FGF14: variants seen among roughly 807,000 people sequenced by gnomAD.
FGF14 encodes fibroblast growth factor homologous factor 4.
In FGF14, 5 loss-of-function variants were observed where a neutral mutation model predicts 25.5. The ratio of observed to expected loss-of-function variants is 0.20; its 90% confidence interval spans 0.10 to 0.41. FGF14 has a LOEUF of 0.41. Among genes scored for constraint, FGF14 ranks in the 10% least tolerant of loss-of-function variants. The pLI is 1.00. For missense variants in FGF14, 222 were observed against 320.1 expected, an observed-to-expected ratio of 0.69 and a Z score of 2.34; for synonymous variants, 138 against 118.3, an observed-to-expected ratio of 1.17 and a Z score of -1.08.
intron 1 of FGF14, among the ~76,000 whole-genome samples, chr13:102,193,692 A>G (rs903838360): frequency 2.6e-5 from 4 of 152,214 alleles, no homozygotes; most frequent in African/African-American, 7.2e-5. Context: ...GTTACTACAC[A>G]TGAGAAACTA....
intron 3 of FGF14, among the ~76,000 whole-genome samples, chr13:101,743,252 C>A (rs2036666829): frequency 6.6e-6 from 1 of 152,158 alleles, no homozygotes; most frequent in Non-Finnish European, 1.5e-5. Flanking sequence ...GTCTCAGATA[C>A]CTTTTGGTTT....
At chr13:102,323,945 C>A (rs1414918769) in intron 1 of FGF14, among the ~76,000 whole-genome samples, 1 of 144,942 alleles carries the variant, frequency 6.9e-6, no homozygotes, top group African/African-American at 2.6e-5. Flanking sequence ...TTAAAGGATC[C>A]CAACGTGCAG....
upstream of FGF14, among the ~76,000 whole-genome samples, chr13:101,918,920 G>C (rs1174765209): frequency 2.0e-5 from 3 of 151,206 alleles, no homozygotes. Flanking sequence ...TGCTAGAGTT[G>C]TTTTGCTAGA....
At chr13:102,396,807 C>T (rs557443501) in intron 1 of FGF14, among the ~76,000 whole-genome samples, 5 of 152,174 alleles carry the variant, frequency 3.3e-5, no homozygotes, top group Non-Finnish European at 5.9e-5. Flanking sequence ...GAAAAATCTA[C>T]TCTCCCAACA....
chr13:102,154,184 C>T (rs974693364), intron 1 of FGF14, among the ~76,000 whole-genome samples: 61 of 152,072 alleles, frequency 4.0e-4, no homozygotes, highest in Admixed American at 9.8e-4. Context: ...AGATACTCCC[C>T]GAGAAGAGCA....
chr13:101,879,624 A>G (rs568969441), intron 1 of FGF14, among the ~76,000 whole-genome samples: 2 of 152,192 alleles, frequency 1.3e-5, no homozygotes, highest in African/African-American at 2.4e-5. Flanking sequence ...ACACTATGAC[A>G]TATGTTTTTC....
chr13:101,994,709 A>G (rs1198314234), intron 1 of FGF14, among the ~76,000 whole-genome samples: 1 of 152,108 alleles, frequency 6.6e-6, no homozygotes, highest in African/African-American at 2.4e-5. Context: ...AGTAGCATGC[A>G]AAATTAAATA....
At chr13:102,117,972 T>C (rs892475714) in intron 1 of FGF14, among the ~76,000 whole-genome samples, 2 of 152,190 alleles carry the variant, frequency 1.3e-5, no homozygotes, top group African/African-American at 4.8e-5. Context: ...TTTTGAGCCA[T>C]GTAGATATTT....
chr13:102,032,898 T>C (rs1345081893), intron 1 of FGF14, among the ~76,000 whole-genome samples: 1 of 152,082 alleles, frequency 6.6e-6, no homozygotes, highest in Non-Finnish European at 1.5e-5. Context: ...CCCAGAGCTT[T>C]CTTCATGAAG....
intron 1 of FGF14, among the ~76,000 whole-genome samples, chr13:101,909,230 A>G (rs2032619421): frequency 6.6e-6 from 1 of 152,222 alleles, no homozygotes; most frequent in South Asian, 2.1e-4. Context: ...CAAAAGCCAA[A>G]ATTGACAAAT....
chr13:102,011,513 T>C (rs1402721039), intron 1 of FGF14, among the ~76,000 whole-genome samples: 1 of 151,666 alleles, frequency 6.6e-6, no homozygotes, highest in African/African-American at 2.4e-5. Context: ...TATCCATAGC[T>C]GAGAGCATAG....
chr13:102,359,357 A>C (rs1446791297), intron 1 of FGF14, among the ~76,000 whole-genome samples: 3 of 152,218 alleles, frequency 2.0e-5, no homozygotes. Flanking sequence ...TGTGCTTCAC[A>C]TACAACAGAC....
intron 1 of FGF14, among the ~76,000 whole-genome samples, chr13:102,260,500 C>T (rs1413506967): frequency 1.3e-5 from 2 of 152,200 alleles, no homozygotes; most frequent in Non-Finnish European, 2.9e-5. Flanking sequence ...TGGGGAGTAT[C>T]GGAAATGGCT....
intron 1 of FGF14, among the ~76,000 whole-genome samples, chr13:102,382,789 T>C (rs746574970): frequency 1.1e-4 from 16 of 152,058 alleles, no homozygotes; most frequent in Admixed American, 2.0e-4. Flanking sequence ...TATACAATAA[T>C]GAAACAAAAT....
intron 1 of FGF14, among the ~76,000 whole-genome samples, chr13:102,165,386 T>G (rs1414988094): frequency 2.0e-5 from 3 of 152,000 alleles, no homozygotes; most frequent in African/African-American, 7.3e-5. Context: ...TGCAGCACTA[T>G]TCACAATAGC....
chr13:102,002,137 C>T (rs1481696967), intron 1 of FGF14: 1 of 152,174 alleles, frequency 6.6e-6, no homozygotes, highest in Non-Finnish European at 1.5e-5. Flanking sequence ...CCCTTGATCC[C>T]ACTGCCAATG....
At chr13:101,857,089 G>A (rs1050155990) in intron 3 of FGF14, among the ~76,000 whole-genome samples, 5 of 151,994 alleles carry the variant, frequency 3.3e-5, no homozygotes, top group Admixed American at 3.3e-4. Context: ...ATCAACAGAT[G>A]CTTTTCTCAT....
At chr13:102,186,811 AAC>A (rs760478591) in intron 1 of FGF14, among the ~76,000 whole-genome samples, 43 of 152,326 alleles carry the variant, frequency 2.8e-4, no homozygotes, top group South Asian at 8.3e-4. Flanking sequence ...GCACATATAA[AAC>A]ATGTACACAC....
chr13:102,068,760 C>G (rs1479999774), intron 1 of FGF14, among the ~76,000 whole-genome samples: 2 of 152,022 alleles, frequency 1.3e-5, no homozygotes, highest in Admixed American at 1.3e-4. Context: ...CTCCCACCCA[C>G]TCCATGGGCT....
Sources: gnomAD v4.1 joint callset for allele counts (sites outside exome capture counted in the v4.1 genomes callset) on GRCh38, gnomAD v4.1.1 for gene constraint, MANE v1.5 for transcripts, NCBI Gene and HGNC (gene_info 2026-07-23, HGNC 2026-07-21) for gene names.